The following POLR1A variants were observed in gnomAD, a reference collection of about 807,000 sequenced individuals.
POLR1A encodes the protein DNA-directed RNA polymerase I subunit RPA1.
In POLR1A, 84 loss-of-function variants were observed where a neutral mutation model predicts 205.3. The ratio of observed to expected loss-of-function variants is 0.41; its 90% CI spans 0.34 to 0.49. The LOEUF (loss-of-function observed/expected upper bound fraction) is 0.49. Among genes scored for constraint, POLR1A ranks in the 20% least tolerant of loss-of-function variants. The pLI is 0.22. For missense variants in POLR1A, 1,645 were observed against 2,204.5 expected, an observed-to-expected ratio of 0.75 and a Z score of 5.08; for synonymous variants, 799 against 863.7, an observed-to-expected ratio of 0.93 and a Z score of 1.31.
intron 18 of POLR1A, among the ~76,000 whole-genome samples, chr2:86,048,076 C>T (rs751328786): frequency 6.6e-6 from 1 of 152,174 alleles, no homozygotes; most frequent in Admixed American, 6.5e-5. Flanking sequence ...CATGAGAAGT[C>T]GGTCTTCTCA....
intron 3 of POLR1A, among the ~76,000 whole-genome samples, chr2:86,095,929 C>T (rs997823655): frequency 5.3e-5 from 8 of 152,004 alleles, no homozygotes; most frequent in South Asian, 4.1e-4. Context: ...GGGGTTTCTT[C>T]GTGTTAGCTA....
At chr2:86,098,882 G>C (rs1478929366) in intron 2 of POLR1A, 122 bp from the exon 3 acceptor site, 1 of 799,456 alleles carries the variant, frequency 1.3e-6, no homozygotes, top group Non-Finnish European at 2.0e-6. Flanking sequence ...CTCTACTTCA[G>C]CCTACATGCT....
chr2:86,044,449 T>C (rs765330386), intron 21 of POLR1A, 145 bp from the exon 22 acceptor site: 61 of 784,180 alleles, frequency 7.8e-5, no homozygotes, highest in East Asian at 1.9e-4. Context: ...CTAGATCCAA[T>C]GCCCCGGGGT....
At chr2:86,041,158 T>G (rs1672593272) in intron 24 of POLR1A, among the ~76,000 whole-genome samples, 1 of 88,078 alleles carries the variant, frequency 1.1e-5, no homozygotes, top group South Asian at 3.7e-4. Flanking sequence ...ACTGTGTGTG[T>G]GTGTGTGTGT....
In POLR1A at chr2:86,048,839, A is replaced by G. The variant is rs757362184; in HGVS notation, c.2634+45T>C. 1.2e-5 allele frequency: 19 copies of G among 1,550,642 alleles called. No individual in the cohort carries two copies. In the African/African-American group the frequency reaches 2.0e-4, roughly 17 times the overall value. ...TCAAAATGTAATTTTTTTAAAAATC[A>G]GCATTCATAGTGGTGGGGATAAATG... On this transcript the variant is annotated intron_variant, in intron 18 of 33. Coordinates refer to ENST00000263857, the MANE Select transcript of POLR1A (RefSeq NM_015425.6).
chr2:86,099,865 G>T, intron 2 of POLR1A, 103 bp downstream of exon 2: 1 of 865,136 alleles, frequency 1.2e-6, no homozygotes, highest in Non-Finnish European at 1.9e-6. Flanking sequence ...TTTCATTGGA[G>T]TGCCTGGGGC....
At chr2:86,099,947 C>T (rs1195748407) in intron 2 of POLR1A, 21 bp downstream of exon 2, 1 of 1,607,042 alleles carries the variant, frequency 6.2e-7, no homozygotes, top group Admixed American at 1.7e-5. Context: ...CGGAGACCCA[C>T]ACAACTAAGG....
At chr2:86,041,861 ATGT>A in intron 24 of POLR1A, 25 bp downstream of exon 24, 1 of 1,585,176 alleles carries the variant, frequency 6.3e-7, no homozygotes, top group Non-Finnish European at 8.7e-7. Context: ...TCTCCTGCAC[ATGT>A]TGTGCAACAA....
intron 7 of POLR1A, among the ~76,000 whole-genome samples, chr2:86,082,582 T>C (rs553104168): frequency 1.3e-5 from 2 of 152,236 alleles, no homozygotes; most frequent in East Asian, 3.9e-4. Context: ...CATGTTCATT[T>C]GTAAGCGCTT....
At chr2:86,098,062 A>G (rs955047939) in intron 3 of POLR1A, among the ~76,000 whole-genome samples, 1 of 152,220 alleles carries the variant, frequency 6.6e-6, no homozygotes, top group African/African-American at 2.4e-5. Flanking sequence ...ACAAGAAGTA[A>G]ACAAAGTAAG....
chr2:86,027,362 AG>A lies in POLR1A; in HGVS notation c.*60del, dbSNP rs1169791429. 1 of 1,335,628 alleles carries A rather than the reference AG, an allele frequency of 7.5e-7. No individual in the cohort carries two copies. The allele number at this position is 1,335,628 out of a possible 1,614,324, so 82.7% of individuals were successfully genotyped here. ...CTCCTGGTCCTCTCATGCAGAAGGC[AG>A]GCTGGGCCACGCCCTCACCAAGGGT... On this transcript the variant is annotated 3_prime_UTR_variant, in exon 34 of 34. Coordinates refer to ENST00000263857, the MANE Select transcript of POLR1A (RefSeq NM_015425.6).
chr2:86,034,415 C>T (rs1030842813), intron 27 of POLR1A, among the ~76,000 whole-genome samples: 9 of 152,224 alleles, frequency 5.9e-5, no homozygotes, highest in Admixed American at 3.9e-4. Flanking sequence ...GCAGAGATAA[C>T]TTAGCTTGTG....
intron 30 of POLR1A, among the ~76,000 whole-genome samples, chr2:86,030,668 C>T (rs962153443): frequency 6.6e-6 from 1 of 152,208 alleles, no homozygotes; most frequent in African/African-American, 2.4e-5. Context: ...CTGCACTGCT[C>T]TTAATGTCCT....
chr2:86,028,770 T>A lies in POLR1A; in HGVS notation c.4780-59A>T. 1 of 1,242,082 alleles carries A rather than the reference T, an allele frequency of 8.1e-7. No homozygotes were observed. Among genetic ancestry groups the A allele is most frequent in the Admixed American group, 1.8e-5 (1 of 56,786 alleles). 76.9% of individuals were successfully genotyped at this position (1,242,082 alleles called of 1,614,324 possible). ...GCCTGGCCTTCTGCTCCCTTCTGCCTGCGTATCTCCCCCTGGCCGCTCTCT... is the reference window on the plus strand; with the variant it reads ...GCCTGGCCTTCTGCTCCCTTCTGCCAGCGTATCTCCCCCTGGCCGCTCTCT... On this transcript the variant is annotated intron_variant, in intron 31 of 33. Transcript: ENST00000263857. The surrounding 1 kb of genome is among the most constrained non-coding windows in gnomAD (Gnocchi z 4.5).
chr2:86,088,131 C>T (rs975419918), intron 6 of POLR1A, among the ~76,000 whole-genome samples: 1 of 152,146 alleles, frequency 6.6e-6, no homozygotes, highest in African/African-American at 2.4e-5. Context: ...TCTGGGTGGA[C>T]AGCCAGGAGT....
chr2:86,097,214 C>CAAAAAAAAAA (rs757210116), intron 3 of POLR1A, among the ~76,000 whole-genome samples: 1,436 of 39,690 alleles, frequency 0.036, 468 homozygotes, highest in Non-Finnish European at 0.043. Flanking sequence ...CCCCAAAAGA[C>CAAAAAAAAAA]AAAAAAAAAA....
chr2:86,051,652 C>A (rs943824525), intron 16 of POLR1A, among the ~76,000 whole-genome samples: 1 of 152,252 alleles, frequency 6.6e-6, no homozygotes, highest in Non-Finnish European at 1.5e-5. Context: ...AAGGGCTGGA[C>A]CCTGCTCTGT....
Position 86,030,338 on chromosome 2 carries a change from G to T in POLR1A, c.4637C>A (p.Ser1546Tyr), listed in dbSNP as rs1386259223. The T allele has an allele frequency of 6.8e-6, 11 of 1,614,006 alleles. No homozygotes were observed. The South Asian group carries it at 1.1e-4, about 16-fold the overall frequency. ...ATAGATGACGGCACCATGGGCCAAA[G>T]ATACTACCAGGGAGCTCATGTCAAA... ...INFDMSSLVV[S>Y]LAHGAVIYAT... Residue 1546 changes from serine to tyrosine, a missense_variant, in exon 31 of 34, where the codon TCT becomes TAT. Transcript: ENST00000263857.
At chr2:86,085,335 C>T (rs899756407) in intron 6 of POLR1A, among the ~76,000 whole-genome samples, 2 of 152,222 alleles carry the variant, frequency 1.3e-5, no homozygotes, top group African/African-American at 4.8e-5. Flanking sequence ...CAAAGCAGAA[C>T]TGCTAAGTCA....
Sources: allele counts gnomAD v4.1 joint callset (sites outside exome capture counted in the v4.1 genomes callset), GRCh38; gene constraint gnomAD v4.1.1; non-coding constraint Gnocchi (gnomAD v3.1); transcripts MANE v1.5; gene names NCBI Gene and HGNC (gene_info 2026-07-23, HGNC 2026-07-21).